Variants in GPC6 observed in about 807,000 individuals in gnomAD.
GPC6 encodes the protein glypican 6.
GPC6 carries 14 observed loss-of-function variants against 55.2 expected under a neutral mutation model. That is an observed-to-expected ratio of 0.25 (90% CI 0.17 to 0.40). The LOEUF (loss-of-function observed/expected upper bound fraction) is 0.40, where lower values mean the gene tolerates loss of function less well. GPC6 is among the 10% of genes least tolerant of loss of function. The pLI is 1.00. For missense variants in GPC6, 641 were observed against 708.5 expected, an observed-to-expected ratio of 0.90 and a Z score of 1.08; for synonymous variants, 278 against 259.6, an observed-to-expected ratio of 1.07 and a Z score of -0.68.
chr13:93,239,671 C>T (rs1876362237), intron 1 of GPC6, among the ~76,000 whole-genome samples: 1 of 150,922 alleles, frequency 6.6e-6, no homozygotes, highest in Non-Finnish European at 1.5e-5. Flanking sequence ...TTTTCTGCTA[C>T]CTTTGGGTTT....
chr13:94,381,360 T>C (rs1027053922), intron 6 of GPC6, among the ~76,000 whole-genome samples: 4 of 152,298 alleles, frequency 2.6e-5, no homozygotes, highest in African/African-American at 9.6e-5. Flanking sequence ...GGTTGGGTCC[T>C]TCTGAGGGCT....
intron 1 of GPC6, among the ~76,000 whole-genome samples, chr13:93,445,146 G>T (rs1424663749): frequency 6.6e-6 from 1 of 152,158 alleles, no homozygotes; most frequent in Non-Finnish European, 1.5e-5. Context: ...GAGTTAGAGG[G>T]TATTAGAGGA....
chr13:93,263,018 G>A (rs1877204066), intron 1 of GPC6, among the ~76,000 whole-genome samples: 1 of 152,136 alleles, frequency 6.6e-6, no homozygotes, highest in African/African-American at 2.4e-5. Context: ...ACAAAGGAGT[G>A]CAATATTCGT....
In GPC6 at chr13:93,859,198, T is replaced by C. The variant is rs7996963; in HGVS notation, c.711+28653T>C. ...GTCTTAAGCACTTTCTCTTAAACAGTATCTATCTTTTAAAAATGCACAAAC... is the reference window on the plus strand; with the variant it reads ...GTCTTAAGCACTTTCTCTTAAACAGCATCTATCTTTTAAAAATGCACAAAC... On this transcript the variant is annotated intron_variant, in intron 3 of 8. Coordinates refer to ENST00000377047, the MANE Select transcript of GPC6 (RefSeq NM_005708.5). Among the ~76,000 whole-genome samples the C allele has an allele frequency of 4.6e-3, 705 of 151,798 alleles. 8 individuals are homozygous for C. Among genetic ancestry groups the C allele is most frequent in the African/African-American group, 0.016 (676 of 41,506 alleles).
At chr13:94,074,328 A>G (rs1258093863) in intron 4 of GPC6, among the ~76,000 whole-genome samples, 2 of 152,234 alleles carry the variant, frequency 1.3e-5, no homozygotes, top group Non-Finnish European at 2.9e-5. Flanking sequence ...AATTTTCAGA[A>G]GACTATTATG....
chr13:93,952,909 G>C (rs1299001268), intron 3 of GPC6, among the ~76,000 whole-genome samples: 1 of 144,814 alleles, frequency 6.9e-6, no homozygotes, highest in Non-Finnish European at 1.5e-5. Context: ...GTGTATATAT[G>C]TATATATATA....
chr13:93,983,219 A>G (rs939249831), intron 3 of GPC6, among the ~76,000 whole-genome samples: 1 of 152,210 alleles, frequency 6.6e-6, no homozygotes, highest in African/African-American at 2.4e-5. Context: ...CATGTTAATC[A>G]TAGTAAATGC....
intron 2 of GPC6, among the ~76,000 whole-genome samples, chr13:93,718,024 A>G (rs1883313177): frequency 6.6e-6 from 1 of 151,636 alleles, no homozygotes; most frequent in African/African-American, 2.4e-5. Context: ...TGGACATTTG[A>G]GTTGGTGCCA....
intron 3 of GPC6, among the ~76,000 whole-genome samples, chr13:94,005,825 A>G (rs557124188): frequency 6.6e-6 from 1 of 152,280 alleles, no homozygotes; most frequent in Non-Finnish European, 1.5e-5. Context: ...GGAAAACTGC[A>G]TATTTTCTCA....
At chr13:94,053,693 A>G (rs1462974024) in intron 4 of GPC6, among the ~76,000 whole-genome samples, 1 of 152,188 alleles carries the variant, frequency 6.6e-6, no homozygotes, top group East Asian at 1.9e-4. Flanking sequence ...ATGTAACTCC[A>G]GGTCTGTAAA....
intron 1 of GPC6, among the ~76,000 whole-genome samples, chr13:93,455,056 G>C (rs1878392195): frequency 6.6e-6 from 1 of 152,184 alleles, no homozygotes; most frequent in African/African-American, 2.4e-5. Flanking sequence ...GCCCGGAGCC[G>C]GCAGGGCCGG....
At chr13:94,365,390 T>C (rs1353727669) in intron 6 of GPC6, among the ~76,000 whole-genome samples, 1 of 152,166 alleles carries the variant, frequency 6.6e-6, no homozygotes, top group Admixed American at 6.5e-5. Context: ...GTATTTGAAC[T>C]CGAACCAGTT....
At chr13:93,886,484 T>C (rs577068163) in intron 3 of GPC6, among the ~76,000 whole-genome samples, 2 of 151,564 alleles carry the variant, frequency 1.3e-5, no homozygotes, top group East Asian at 1.9e-4. Context: ...AGGCTTAAGG[T>C]AAAAAACGAA....
At chr13:93,732,990 G>A (rs1346475029) in intron 2 of GPC6, among the ~76,000 whole-genome samples, 2 of 151,386 alleles carry the variant, frequency 1.3e-5, no homozygotes, top group Non-Finnish European at 2.9e-5. Flanking sequence ...TCTCAATTTT[G>A]GCCAGCTATA....
chr13:93,900,055 G>C (rs1566593403), intron 3 of GPC6, among the ~76,000 whole-genome samples: 1 of 152,062 alleles, frequency 6.6e-6, no homozygotes, highest in Non-Finnish European at 1.5e-5. Flanking sequence ...AAATTTCTCA[G>C]TTTCATCCTT....
At position 94,239,865 on chromosome 13, in the gene GPC6, A is replaced by G. The variant is rs183256811; in HGVS notation, c.878-46484A>G. Among the ~76,000 whole-genome samples, 11 of 152,236 alleles carry G rather than the reference A, an allele frequency of 7.2e-5. No homozygotes were observed. The East Asian group carries it at 2.1e-3, about 29-fold the overall frequency. ...GCTTCCCTCTTGGAAGATCAGCTCT[A>G]TTCGCCTTTCAAGTGTCATTTGTGG... is the stretch of plus-strand genomic sequence containing the variant. On this transcript the variant is annotated intron_variant, in intron 4 of 8. Coordinates refer to ENST00000377047, the MANE Select transcript of GPC6 (RefSeq NM_005708.5).
At chr13:93,972,498 T>TC (rs916250506) in intron 3 of GPC6, among the ~76,000 whole-genome samples, 9 of 152,084 alleles carry the variant, frequency 5.9e-5, no homozygotes, top group African/African-American at 1.9e-4. Flanking sequence ...GCTTTCAGGT[T>TC]CCCCCCACTC....
intron 2 of GPC6, among the ~76,000 whole-genome samples, chr13:93,762,706 C>A (rs79436059): frequency 3.3e-5 from 5 of 152,162 alleles, no homozygotes; most frequent in African/African-American, 1.2e-4. Context: ...AAAAAATGAC[C>A]TAACCAGCCT....
intron 2 of GPC6, among the ~76,000 whole-genome samples, chr13:93,765,002 C>G (rs1379230231): frequency 6.6e-6 from 1 of 151,938 alleles, no homozygotes; most frequent in Non-Finnish European, 1.5e-5. Context: ...GGTTTCACCA[C>G]GTTAACCAGG....
Sources: gnomAD v4.1 joint callset for allele counts (sites outside exome capture counted in the v4.1 genomes callset) on GRCh38, gnomAD v4.1.1 for gene constraint, MANE v1.5 for transcripts, NCBI Gene and HGNC (gene_info 2026-07-23, HGNC 2026-07-21) for gene names.